Variants in SGCZ observed in about 807,000 individuals in gnomAD.
SGCZ encodes zeta-sarcoglycan.
Under a neutral mutation model 41.3 loss-of-function variants are expected in SGCZ, and 40 were observed. The observed-to-expected ratio is 0.97, with a 90% CI of 0.75 to 1.26. SGCZ has a LOEUF of 1.26. Ranked by LOEUF, SGCZ falls within the 50% of genes most tolerant of loss-of-function variation. The pLI is 0.00. For synonymous variants in SGCZ, 206 were observed against 137.5 expected (o/e 1.50, Z -3.49); for missense variants, 552 against 369.8 (o/e 1.49, Z -4.04).
At chr8:15,176,390 T>C (rs1428987000) in intron 1 of SGCZ, among the ~76,000 whole-genome samples, 1 of 152,230 alleles carries the variant, frequency 6.6e-6, no homozygotes, top group African/African-American at 2.4e-5. Flanking sequence ...AGATAGTGCA[T>C]GTCTATAAAT....
chr8:15,165,277 G>A (rs1269961341), intron 1 of SGCZ, among the ~76,000 whole-genome samples: 2 of 152,076 alleles, frequency 1.3e-5, no homozygotes. Context: ...GACAGAGCGA[G>A]ACTCTGTCCT....
intron 2 of SGCZ, among the ~76,000 whole-genome samples, chr8:14,381,202 C>A (rs1055929501): frequency 6.6e-6 from 1 of 152,194 alleles, no homozygotes; most frequent in Non-Finnish European, 1.5e-5. Flanking sequence ...AGTAGGAATT[C>A]TAATGTTTTT....
chr8:14,102,368 G>A lies in SGCZ; in HGVS notation c.744+8C>T, dbSNP rs1312920883. The A allele has an allele frequency of 4.8e-6, 7 of 1,471,356 alleles. No individual in the cohort carries two copies. Among genetic ancestry groups the A allele is most frequent in the South Asian group, 4.3e-5 (3 of 69,340 alleles). 91.1% of individuals were successfully genotyped at this position (1,471,356 alleles called of 1,614,324 possible). On this transcript the variant is annotated splice_region_variant and intron_variant, in intron 7 of 7. Transcript: ENST00000382080. ...TATAGGGCGAGGGTCCAACTTTCTGGGACTCACCTCCCCTTCTGTAGATTG... is the reference window on the plus strand; with the variant it reads ...TATAGGGCGAGGGTCCAACTTTCTGAGACTCACCTCCCCTTCTGTAGATTG...
chr8:14,642,262 T>A (rs995209416), intron 1 of SGCZ, among the ~76,000 whole-genome samples: 3 of 151,648 alleles, frequency 2.0e-5, no homozygotes, highest in African/African-American at 4.8e-5. Flanking sequence ...GGTGAAATAA[T>A]TGTAACAATA....
intron 2 of SGCZ, among the ~76,000 whole-genome samples, chr8:14,339,024 C>T (rs1460430852): frequency 6.6e-6 from 1 of 152,092 alleles, no homozygotes; most frequent in Non-Finnish European, 1.5e-5. Flanking sequence ...GAAATTAGTA[C>T]ATTAATATTT....
At chr8:14,207,919 T>C (rs1457861748) in intron 4 of SGCZ, among the ~76,000 whole-genome samples, 1 of 152,192 alleles carries the variant, frequency 6.6e-6, no homozygotes, top group Admixed American at 6.5e-5. Flanking sequence ...GTGGTTGTGA[T>C]GAGCATGGTA....
intron 1 of SGCZ, among the ~76,000 whole-genome samples, chr8:14,623,496 C>T (rs994220719): frequency 1.3e-5 from 2 of 152,018 alleles, no homozygotes; most frequent in Non-Finnish European, 2.9e-5. Flanking sequence ...ATTAATATAT[C>T]CCGTGAAAAG....
chr8:14,588,583 C>G (rs978128732), intron 1 of SGCZ, among the ~76,000 whole-genome samples: 26 of 151,714 alleles, frequency 1.7e-4, no homozygotes, highest in African/African-American at 6.1e-4. Context: ...AATGTTTAAA[C>G]TACTTGGGCA....
chr8:14,948,615 C>T (rs2130831804), intron 1 of SGCZ, among the ~76,000 whole-genome samples: 1 of 152,214 alleles, frequency 6.6e-6, no homozygotes, highest in East Asian at 1.9e-4. Flanking sequence ...GTAGTTTCCA[C>T]TGTTCCTTTT....
chr8:14,848,898 A>C (rs1238507330), intron 1 of SGCZ, among the ~76,000 whole-genome samples: 1 of 152,182 alleles, frequency 6.6e-6, no homozygotes, highest in Non-Finnish European at 1.5e-5. Flanking sequence ...AAGAAAATGC[A>C]AAGACAAGCT....
In SGCZ at chr8:15,014,862, C is replaced by A. The variant is rs144100317; in HGVS notation, c.39+222723G>T. ...GCTGAAGTTAAATACTGCTGCAGAT[C>A]TACTCTCTTTAGGCAAAAATAAGCT... On this transcript the variant is annotated intron_variant, in intron 1 of 7. Coordinates refer to ENST00000382080, the MANE Select transcript of SGCZ (RefSeq NM_139167.4). 7.2e-3 allele frequency among the ~76,000 whole-genome samples: 1,094 copies of A among 152,274 alleles called. 11 individuals are homozygous for A. Among genetic ancestry groups the A allele is most frequent in the African/African-American group, 0.026 (1,060 of 41,566 alleles).
intron 4 of SGCZ, among the ~76,000 whole-genome samples, chr8:14,231,818 A>G (rs1416948998): frequency 6.6e-6 from 1 of 152,096 alleles, no homozygotes; most frequent in East Asian, 1.9e-4. Context: ...TCATAAGATC[A>G]TATGCGTTCT....
chr8:14,439,228 CTTT>C (rs1420014987), intron 2 of SGCZ, among the ~76,000 whole-genome samples: 2 of 150,966 alleles, frequency 1.3e-5, no homozygotes, highest in African/African-American at 4.9e-5. Context: ...ATCATTAGGA[CTTT>C]TTATTATATT....
chr8:14,368,837 A>G (rs1803810022), intron 2 of SGCZ, among the ~76,000 whole-genome samples: 1 of 151,610 alleles, frequency 6.6e-6, no homozygotes, highest in South Asian at 2.1e-4. Context: ...TTGCAGCAAA[A>G]AAAAGTTACA....
At chr8:14,880,661 G>C (rs1243461492) in intron 1 of SGCZ, among the ~76,000 whole-genome samples, 1 of 152,098 alleles carries the variant, frequency 6.6e-6, no homozygotes, top group Non-Finnish European at 1.5e-5. Flanking sequence ...TAGGGACATG[G>C]ATGAAGCTGG....
chr8:14,205,123 T>C (rs1049531469), intron 4 of SGCZ, among the ~76,000 whole-genome samples: 6 of 152,104 alleles, frequency 3.9e-5, no homozygotes, highest in Non-Finnish European at 8.8e-5. Context: ...TCAAAATACA[T>C]GCATCAGCCT....
At chr8:14,221,011 G>GAA (rs35159600) in intron 4 of SGCZ, among the ~76,000 whole-genome samples, 8,714 of 149,994 alleles carry the variant, frequency 0.058, 367 homozygotes, top group African/African-American at 0.12. Flanking sequence ...GCCTAATATA[G>GAA]AAAAAAAAAA....
chr8:15,092,807 T>A (rs1230703227), intron 1 of SGCZ, among the ~76,000 whole-genome samples: 1 of 152,204 alleles, frequency 6.6e-6, no homozygotes, highest in East Asian at 1.9e-4. Flanking sequence ...GAGATACTCA[T>A]CACATGCATT....
intron 1 of SGCZ, among the ~76,000 whole-genome samples, chr8:14,624,043 T>A (rs538666564): frequency 6.6e-6 from 1 of 152,210 alleles, no homozygotes; most frequent in Admixed American, 6.6e-5. Flanking sequence ...AACACACTTT[T>A]ATTTGCATTT....
Sources: allele counts gnomAD v4.1 joint callset (sites outside exome capture counted in the v4.1 genomes callset), GRCh38; gene constraint gnomAD v4.1.1; transcripts MANE v1.5; gene names NCBI Gene and HGNC (gene_info 2026-07-23, HGNC 2026-07-21).